Variants in ACSS3 observed in about 807,000 individuals in gnomAD.
ACSS3 encodes acyl-CoA synthetase short chain family member 3, also known as acyl-CoA synthetase short-chain family member 3, mitochondrial.
A neutral mutation model predicts 84.2 loss-of-function variants in ACSS3; 64 were observed. The observed-to-expected ratio is 0.76, with a 90% CI of 0.62 to 0.94. The LOEUF (loss-of-function observed/expected upper bound fraction) is 0.94. ACSS3 is among the 40% of genes least tolerant of loss of function. The pLI, the probability that ACSS3 is intolerant of heterozygous loss-of-function variation, is 0.00. For missense variants in ACSS3, 815 were observed against 867.6 expected (o/e 0.94, Z 0.76); for synonymous variants, 317 against 310.1 (o/e 1.02, Z -0.23).
At chr12:81,082,743 C>G (rs1315965034) in intron 1 of ACSS3, among the ~76,000 whole-genome samples, 2 of 152,164 alleles carry the variant, frequency 1.3e-5, no homozygotes, top group African/African-American at 4.8e-5. Flanking sequence ...ATTCCTTCTT[C>G]TTCACTGGGT....
chr12:81,197,582 T>TATC (rs1338557319), intron 8 of ACSS3, among the ~76,000 whole-genome samples: 1 of 152,178 alleles, frequency 6.6e-6, no homozygotes, highest in East Asian at 1.9e-4. Context: ...TTTTTAATAC[T>TATC]ATCTTGAAGA....
chr12:81,077,893 C>T (rs1880714992), upstream of ACSS3: 1 of 495,800 alleles, frequency 2.0e-6, no homozygotes. Flanking sequence ...AACTAACCTG[C>T]TGCAACGGCG....
At chr12:81,236,928 G>T (rs1019053430) in intron 13 of ACSS3, among the ~76,000 whole-genome samples, 1 of 151,150 alleles carries the variant, frequency 6.6e-6, no homozygotes, top group Non-Finnish European at 1.5e-5. Context: ...GAAAGCTAAT[G>T]GCAATTTTTC....
intron 13 of ACSS3, among the ~76,000 whole-genome samples, chr12:81,243,451 T>C (rs573665934): frequency 6.6e-6 from 1 of 152,298 alleles, no homozygotes; most frequent in East Asian, 1.9e-4. Context: ...AATTTGTAGA[T>C]TCAATGCCAT....
At chr12:81,191,914 A>G (rs1400415704) in intron 8 of ACSS3, among the ~76,000 whole-genome samples, 1 of 152,132 alleles carries the variant, frequency 6.6e-6, no homozygotes, top group Non-Finnish European at 1.5e-5. Flanking sequence ...TCTTTATTAT[A>G]ATTTCCAGTT....
At chr12:81,143,017 A>T in intron 4 of ACSS3, 90 bp from the exon 5 acceptor site, 1 of 1,230,338 alleles carries the variant, frequency 8.1e-7, no homozygotes, top group Non-Finnish European at 1.1e-6. Flanking sequence ...TTTCAGTCAG[A>T]TGCTCAGACT....
intron 8 of ACSS3, among the ~76,000 whole-genome samples, chr12:81,187,025 C>G (rs1200312349): frequency 1.3e-5 from 2 of 151,686 alleles, no homozygotes; most frequent in Non-Finnish European, 3.0e-5. Context: ...CCATTTCGTT[C>G]TAAAAAAGAA....
At chr12:81,141,690 C>T (rs1368619794) in intron 4 of ACSS3, among the ~76,000 whole-genome samples, 2 of 152,092 alleles carry the variant, frequency 1.3e-5, no homozygotes, top group South Asian at 4.2e-4. Flanking sequence ...TTGTGATCCT[C>T]AATTTGATGT....
intron 11 of ACSS3, among the ~76,000 whole-genome samples, chr12:81,230,393 G>T (rs1262300892): frequency 6.6e-6 from 1 of 151,780 alleles, no homozygotes; most frequent in Non-Finnish European, 1.5e-5. Context: ...TATAACACCT[G>T]TTTGACCCTA....
intron 8 of ACSS3, 64 bp from the exon 9 acceptor site, chr12:81,199,277 A>G: frequency 7.0e-7 from 1 of 1,422,778 alleles, no homozygotes; most frequent in Non-Finnish European, 9.7e-7. Flanking sequence ...TGTTTTTAAA[A>G]TGTAAATACA....
intron 8 of ACSS3, among the ~76,000 whole-genome samples, chr12:81,185,459 A>T (rs560860432): frequency 6.6e-6 from 1 of 151,872 alleles, no homozygotes; most frequent in East Asian, 1.9e-4. Context: ...GATACCACAA[A>T]AACGTTATTA....
At chr12:81,250,059 C>A (rs947958782) in intron 13 of ACSS3, among the ~76,000 whole-genome samples, 5 of 151,944 alleles carry the variant, frequency 3.3e-5, no homozygotes, top group Non-Finnish European at 5.9e-5. Flanking sequence ...AGTTCCATGA[C>A]TTTTTTAGGT....
chr12:81,154,584 C>A (rs74103926), intron 7 of ACSS3, among the ~76,000 whole-genome samples: 2 of 152,294 alleles, frequency 1.3e-5, no homozygotes, highest in African/African-American at 4.8e-5. Context: ...TTATTTTCTT[C>A]TCCACTAAAT....
chr12:81,260,967 T>G lies in ACSS3; in HGVS notation c.*6045T>G, dbSNP rs539861917. On this transcript the variant is annotated 3_prime_UTR_variant, in exon 16 of 16. Transcript: ENST00000548058. Reference sequence around the variant, plus strand: ...ACAGTTTTACTATTAAGACTGTTTTTCAATAAAACCTCATTTTTATATGGA... The same window carrying G: ...ACAGTTTTACTATTAAGACTGTTTTGCAATAAAACCTCATTTTTATATGGA... The G allele has an allele frequency of 1.3e-5, 2 of 152,108 alleles. No homozygotes were observed. Among genetic ancestry groups the G allele is most frequent in the East Asian group, 3.9e-4 (2 of 5,182 alleles). The allele number at this position is 152,108 out of a possible 1,614,324, so 9.4% of individuals were successfully genotyped here.
chr12:81,244,411 A>G (rs1179594745), intron 13 of ACSS3, among the ~76,000 whole-genome samples: 4 of 151,864 alleles, frequency 2.6e-5, no homozygotes, highest in Admixed American at 2.0e-4. Flanking sequence ...TTGTGTCAGC[A>G]TTAATTTGGG....
rs115494713 is a variant in ACSS3, at chr12:81,139,300, G to A, written c.780+35G>A. The A allele has an allele frequency of 8.7e-3, 13,892 of 1,600,794 alleles. 88 individuals are homozygous for A. Among genetic ancestry groups the A allele is most frequent in the Non-Finnish European group, 9.2e-3 (10,764 of 1,168,824 alleles). On this transcript the variant is annotated intron_variant, in intron 4 of 15. Transcript: ENST00000548058. ...ATATTGAATTTGGTTCTTGCTTATG[G>A]TAATATGCTAAGAATGAGTTTAGTT...
At chr12:81,082,872 G>A (rs1921356) in intron 1 of ACSS3, among the ~76,000 whole-genome samples, 62,132 of 152,006 alleles carry the variant, frequency 0.41, 14,889 homozygotes, top group Non-Finnish European at 0.56. Context: ...TTGGGTGAGA[G>A]AAGCTTGTAA....
At chr12:81,078,964 A>G (rs1880798653) in intron 1 of ACSS3, among the ~76,000 whole-genome samples, 1 of 152,148 alleles carries the variant, frequency 6.6e-6, no homozygotes, top group South Asian at 2.1e-4. Context: ...TGTGACTGAG[A>G]CAGTGACTGC....
At chr12:81,123,722 T>G (rs1884840383) in intron 2 of ACSS3, among the ~76,000 whole-genome samples, 1 of 152,174 alleles carries the variant, frequency 6.6e-6, no homozygotes, top group Non-Finnish European at 1.5e-5. Flanking sequence ...CATGCCATAT[T>G]TGGTTTTCTG....
Sources: allele counts gnomAD v4.1 joint callset (sites outside exome capture counted in the v4.1 genomes callset), GRCh38; gene constraint gnomAD v4.1.1; transcripts MANE v1.5; gene names NCBI Gene and HGNC (gene_info 2026-07-23, HGNC 2026-07-21).